SREBF2: variants seen among roughly 807,000 people sequenced by gnomAD.
SREBF2 encodes the protein sterol regulatory element binding transcription factor 2, also known as sterol regulatory element-binding protein 2.
Under a neutral mutation model 113.1 loss-of-function variants are expected in SREBF2, and 55 were observed. The observed-to-expected ratio is 0.49, with a 90% confidence interval of 0.39 to 0.61. SREBF2 has a LOEUF of 0.61. Among genes scored for constraint, SREBF2 ranks in the 20% least tolerant of loss-of-function variants. SREBF2 has a pLI of 0.00. For synonymous variants in SREBF2, 593 were observed against 605.7 expected, an observed-to-expected ratio of 0.98 and a Z score of 0.31; for missense variants, 1,349 against 1,487.4, an observed-to-expected ratio of 0.91 and a Z score of 1.53.
At chr22:41,899,541 G>A in intron 15 of SREBF2, 1 of 992,690 alleles carries the variant, frequency 1.0e-6, no homozygotes, top group Non-Finnish European at 1.2e-6. Flanking sequence ...CGCACAGGAA[G>A]GAGCTGAGAA....
chr22:41,878,030 G>T lies in SREBF2; in HGVS notation c.1668G>T (p.Leu556=), dbSNP rs9623465. The change falls in exon 9 of 19, where the codon CTG becomes CTT. Residue 556 remains leucine (L), a synonymous_variant. Transcript: ENST00000361204. The stretch of plus-strand genomic sequence containing the variant: ...TTGTCCTGAGCGTCTTTGTGAAGCT[G>T]CTGGTTCATGGGGAGCCAGTGATCC... ...GVIVLSVFVK[L]LVHGEPVIRP... The T allele has an allele frequency of 0.055, 88,012 of 1,614,108 alleles. 2,833 individuals carry two copies. Among genetic ancestry groups the T allele is most frequent in the Non-Finnish European group, 0.064 (75,607 of 1,180,006 alleles).
intron 12 of SREBF2, 36 bp downstream of exon 12, chr22:41,893,321 A>G (rs1255156829): frequency 6.2e-7 from 1 of 1,613,110 alleles, no homozygotes; most frequent in Admixed American, 1.7e-5. Context: ...AATTGGAGAA[A>G]GCCATGCAAA....
rs150887555 is a variant in SREBF2, at chr22:41,853,493, A to G, written c.89-13338A>G. Among the ~76,000 whole-genome samples the G allele has an allele frequency of 2.5e-3, 385 of 152,298 alleles. 2 individuals are homozygous for G. The highest frequency in any genetic ancestry group is 4.9e-3 in the Non-Finnish European group (330 of 68,028). ...GCAGATGCACATCTCTGCTGTGACA[A>G]TCTTCACAAACCATATTGTGATCCT... On this transcript the variant is annotated intron_variant, in intron 1 of 18. Coordinates refer to ENST00000361204, the MANE Select transcript of SREBF2 (RefSeq NM_004599.4).
intron 1 of SREBF2, among the ~76,000 whole-genome samples, chr22:41,866,191 G>A (rs1288583850): frequency 2.0e-5 from 3 of 152,086 alleles, no homozygotes; most frequent in Non-Finnish European, 4.4e-5. Flanking sequence ...AAGGACCCTT[G>A]GTACCTTCGA....
chr22:41,844,146 A>G (rs2076857080), intron 1 of SREBF2, among the ~76,000 whole-genome samples: 1 of 151,844 alleles, frequency 6.6e-6, no homozygotes, highest in Non-Finnish European at 1.5e-5. Flanking sequence ...CCTGGGTCCT[A>G]GGGTACTTTC....
intron 8 of SREBF2, 86 bp downstream of exon 8, chr22:41,877,507 C>A: frequency 6.8e-7 from 1 of 1,478,756 alleles, no homozygotes; most frequent in Non-Finnish European, 9.3e-7. Context: ...CTTGGCTTGG[C>A]TACCAGGTCC....
At chr22:41,869,981 G>A (rs959991945) in intron 3 of SREBF2, among the ~76,000 whole-genome samples, 11 of 151,578 alleles carry the variant, frequency 7.3e-5, no homozygotes, top group South Asian at 2.1e-4. Context: ...TCGGCCTCCC[G>A]AGTAGCTGGG....
chr22:41,880,880 C>A lies in SREBF2; in HGVS notation c.1926C>A (p.Phe642Leu). Residue 642 changes from phenylalanine to leucine, a missense_variant, in exon 10 of 19, where the codon TTC (phenylalanine) becomes TTA (leucine). Around this residue, in one of 2 missense-constraint regions of SREBF2, gnomAD observed 699 missense variants for 843.3 expected, o/e 0.83. Transcript: ENST00000361204. ...TGCGCTGGCTGCTCAAGAAAGTCTT[C>A]CAGTGCCGGCGGGCCACGCCAGCCA... ...RLVRWLLKKV[F>L]QCRRATPATE... 1 of 1,613,590 alleles carries A rather than the reference C, an allele frequency of 6.2e-7. No homozygotes were observed. The highest frequency in any genetic ancestry group is 8.5e-7 in the Non-Finnish European group (1 of 1,180,004).
chr22:41,905,655 T>C lies in SREBF2; in HGVS notation c.3421T>C (p.Ser1141Pro). The change falls in exon 19 of 19, where the codon TCC becomes CCC. Residue 1141 changes from serine to proline, a missense_variant. Physicochemically the swap from Ser to Pro is moderately conservative, Grantham distance 74. Coordinates refer to ENST00000361204, the MANE Select transcript of SREBF2 (RefSeq NM_004599.4). ...GGGTGGTGGCACTGCCATTGCCGCC[T>C]CCTGACCACCAGGCTCAGCCCACCC... ...KLGGGTAIAAS is the reference protein window; with the variant it reads ...KLGGGTAIAAP The C allele has an allele frequency of 6.3e-7, 1 of 1,579,556 alleles. No homozygotes were observed. The highest frequency in any genetic ancestry group is 8.6e-7 in the Non-Finnish European group (1 of 1,163,416).
In SREBF2 at chr22:41,867,015, A is replaced by G. The variant is rs1202728924; in HGVS notation, c.273A>G (p.Ser91=). ...SGAVDPSVQR[S]FTQVTLPSFS... is the part of the protein sequence containing the mutation. Reference sequence around the variant, plus strand: ...CTGTGGACCCTTCAGTGCAACGGTCATTCACCCAGGTCACATTACCTTCCT... The same window carrying G: ...CTGTGGACCCTTCAGTGCAACGGTCGTTCACCCAGGTCACATTACCTTCCT... Residue 91 remains serine (S), a synonymous_variant, in exon 2 of 19, where the codon TCA becomes TCG. Transcript: ENST00000361204. The G allele has an allele frequency of 1.2e-6, 2 of 1,614,010 alleles. No individual in the cohort carries two copies. Among genetic ancestry groups the G allele is most frequent in the South Asian group, 2.2e-5 (2 of 91,072 alleles).
At chr22:41,900,552 G>A in intron 16 of SREBF2, 54 bp downstream of exon 16, 1 of 1,569,924 alleles carries the variant, frequency 6.4e-7, no homozygotes, top group Admixed American at 1.7e-5. Context: ...TGGTTTACGA[G>A]AACACTCCCA....
intron 2 of SREBF2, among the ~76,000 whole-genome samples, chr22:41,868,114 A>G (rs113665070): frequency 6.6e-6 from 1 of 152,128 alleles, no homozygotes; most frequent in Non-Finnish European, 1.5e-5. Flanking sequence ...TTTTCATCAT[A>G]TTTCCCTCTG....
Position 41,833,314 on chromosome 22 carries a change from C to T in SREBF2, c.44C>T (p.Thr15Ile). 6.5e-7 allele frequency: 1 copy of T among 1,535,742 alleles called. No individual in the cohort carries two copies. Among genetic ancestry groups the T allele is most frequent in the Non-Finnish European group, 8.8e-7 (1 of 1,140,714 alleles). ...CTGGGTGGTCTGGAGACCATGGAGA[C>T]CCTCACGGAGCTGGGCGACGAGCTG... Reference protein sequence around the residue: ...GELGGLETMETLTELGDELTL... With the variant: ...GELGGLETMEILTELGDELTL... Residue 15 changes from threonine (T) to isoleucine (I), a missense_variant, in exon 1 of 19, where the codon ACC becomes ATC. Thr to Ile is a moderately conservative substitution (Grantham distance 89). Coordinates refer to ENST00000361204, the MANE Select transcript of SREBF2 (RefSeq NM_004599.4). This position sits in a 1 kb window ranked among gnomAD's most constrained non-coding sequence, Gnocchi z 4.1.
Position 41,833,468 on chromosome 22 carries a change from A to G in SREBF2, c.88+110A>G. ...CCCCGACAGCCCCGGTTCGCGCGGG[A>G]AGAACCCCGTGCGCACGGTGCCCCC... is the stretch of plus-strand genomic sequence containing the variant. On this transcript the variant is annotated intron_variant, in intron 1 of 18. Coordinates refer to ENST00000361204, the MANE Select transcript of SREBF2 (RefSeq NM_004599.4). This position sits in a 1 kb window ranked among gnomAD's most constrained non-coding sequence, Gnocchi z 4.1. 1.1e-6 allele frequency: 1 copy of G among 944,200 alleles called. No homozygotes were observed. The highest frequency in any genetic ancestry group is 1.5e-6 in the Non-Finnish European group (1 of 647,206). The allele number at this position is 944,200 out of a possible 1,614,324, so 58.5% of individuals were successfully genotyped here. A position where few individuals can be genotyped will look rare whatever the true frequency, so the allele number is the denominator to read the frequency against.
chr22:41,887,132 C>G (rs188547500), intron 11 of SREBF2, among the ~76,000 whole-genome samples: 1 of 152,016 alleles, frequency 6.6e-6, no homozygotes, highest in African/African-American at 2.4e-5. Context: ...GGAGAATCGC[C>G]TGAACCTGGG....
intron 4 of SREBF2, among the ~76,000 whole-genome samples, chr22:41,872,936 G>T (rs926777282): frequency 6.6e-6 from 1 of 151,748 alleles, no homozygotes; most frequent in African/African-American, 2.4e-5. Flanking sequence ...GGTGGCTCAC[G>T]CCTGTAATCC....
At position 41,833,230 on chromosome 22, in the gene SREBF2, T is replaced by C. The variant is rs1440775865; in HGVS notation, c.-41T>C. The stretch of plus-strand genomic sequence containing the variant: ...CGACGGCACCGCCCCCGCGTCTCCC[T>C]GAGCGGGACGGCAGGGGGGGCTTCT... On this transcript the variant is annotated 5_prime_UTR_variant, in exon 1 of 19. It removes the in-frame stop codon of an upstream open reading frame in the 5' UTR. Coordinates refer to ENST00000361204, the MANE Select transcript of SREBF2 (RefSeq NM_004599.4). This position sits in a 1 kb window ranked among gnomAD's most constrained non-coding sequence, Gnocchi z 4.1. The C allele has an allele frequency of 2.7e-6, 4 of 1,491,064 alleles. No individual in the cohort carries two copies. Among genetic ancestry groups the C allele is most frequent in the Admixed American group, 2.1e-5 (1 of 47,340 alleles). The allele number at this position is 1,491,064 out of a possible 1,614,324, so 92.4% of individuals were successfully genotyped here. A position where few individuals can be genotyped will look rare whatever the true frequency, so the allele number is the denominator to read the frequency against.
intron 1 of SREBF2, among the ~76,000 whole-genome samples, chr22:41,837,920 TA>T (rs1279847332): frequency 6.6e-6 from 1 of 150,684 alleles, no homozygotes; most frequent in South Asian, 2.1e-4. Context: ...TTGGCTCATT[TA>T]AAAAAAAAGT....
At chr22:41,866,348 C>T (rs969498929) in intron 1 of SREBF2, among the ~76,000 whole-genome samples, 10 of 152,092 alleles carry the variant, frequency 6.6e-5, no homozygotes, top group Admixed American at 2.6e-4. Context: ...GTCAGGAGTT[C>T]GAGACCCACC....
Sources: allele counts gnomAD v4.1 joint callset (sites outside exome capture counted in the v4.1 genomes callset), GRCh38; gene constraint gnomAD v4.1.1; regional missense constraint gnomAD v4.1.1; non-coding constraint Gnocchi (gnomAD v3.1); transcripts MANE v1.5; gene names NCBI Gene and HGNC (gene_info 2026-07-23, HGNC 2026-07-21).